Variants in SUMF1 observed in about 807,000 individuals in gnomAD.
SUMF1 encodes the protein formylglycine-generating enzyme.
SUMF1 carries 48 observed loss-of-function variants against 47.6 expected under a neutral mutation model. The ratio of observed to expected loss-of-function variants is 1.01; its 90% CI spans 0.80 to 1.28. The LOEUF (loss-of-function observed/expected upper bound fraction) is 1.28, where lower values mean the gene tolerates loss of function less well. Among genes scored for constraint, SUMF1 ranks in the 50% most tolerant of loss-of-function variants. The pLI, the probability that SUMF1 is intolerant of heterozygous loss-of-function variation, is 0.00. For synonymous variants in SUMF1, 230 were observed against 192.1 expected, an observed-to-expected ratio of 1.20 and a Z score of -1.63; for missense variants, 571 against 485.4, an observed-to-expected ratio of 1.18 and a Z score of -1.66.
rs116766778 is a variant in SUMF1 at position 4,094,136 on chromosome 3, T to A, written c.1015-25391A>T. ...AAGGTTTATGAGGTATAGGTCATGA[T>A]GAAATGACCTTGAGTGTAGCTTGAG... On this transcript the variant is annotated intron_variant and NMD_transcript_variant, in intron 8 of 12. Transcript: ENST00000448413. 6.5e-3 allele frequency among the ~76,000 whole-genome samples: 982 copies of A among 152,246 alleles called. 16 individuals carry two copies. Among genetic ancestry groups the A allele is most frequent in the African/African-American group, 0.022 (927 of 41,526 alleles).
chr3:4,297,294 A>G (rs920690622), intron 8 of SUMF1, among the ~76,000 whole-genome samples: 1 of 152,174 alleles, frequency 6.6e-6, no homozygotes, highest in Admixed American at 6.5e-5. Flanking sequence ...GAAATCCCCA[A>G]AAGGATCAAT....
At chr3:4,184,715 C>G (rs943528907) in intron 8 of SUMF1, among the ~76,000 whole-genome samples, 2 of 141,520 alleles carry the variant, frequency 1.4e-5, no homozygotes, top group East Asian at 4.3e-4. Context: ...GTGGTGTGAT[C>G]TCGGCTCACT....
At chr3:4,272,988 A>T (rs1697332877) in intron 8 of SUMF1, among the ~76,000 whole-genome samples, 1 of 151,890 alleles carries the variant, frequency 6.6e-6, no homozygotes, top group Non-Finnish European at 1.5e-5. Flanking sequence ...GGCAGGAGGA[A>T]TTCGAGGCTA....
intron 8 of SUMF1, among the ~76,000 whole-genome samples, chr3:4,334,096 C>A (rs116089424): frequency 6.6e-6 from 1 of 151,160 alleles, no homozygotes; most frequent in South Asian, 2.1e-4. Flanking sequence ...CCACTGCACT[C>A]TAACCTGGGC....
intron 8 of SUMF1, chr3:4,316,850 C>A (rs1698679272): frequency 1.9e-6 from 3 of 1,549,934 alleles, no homozygotes; most frequent in Non-Finnish European, 2.6e-6. Context: ...CCGGTGAAAC[C>A]ATTACATCTG....
rs566574865 is a variant in SUMF1, at chr3:4,187,403, G to A, written c.1015-118658C>T. Among the ~76,000 whole-genome samples, 137 of 152,198 alleles carry A rather than the reference G, an allele frequency of 9.0e-4. 1 individual carries two copies. Among genetic ancestry groups the A allele is most frequent in the African/African-American group, 3.2e-3 (131 of 41,546 alleles). ...GAAAAAATTAGAGACAAGGTCTTGT[G>A]TAGACATTTGAATTCTTGTTCAAAC... On this transcript the variant is annotated intron_variant and NMD_transcript_variant, in intron 8 of 12. Coordinates refer to the SUMF1 transcript ENST00000448413.
At chr3:4,374,154 C>T (rs1414818054) in intron 8 of SUMF1, among the ~76,000 whole-genome samples, 1 of 152,144 alleles carries the variant, frequency 6.6e-6, no homozygotes, top group African/African-American at 2.4e-5. Flanking sequence ...CTTACCATTC[C>T]TATTCAACCC....
At chr3:4,196,427 A>G (rs1231333847) in intron 8 of SUMF1, among the ~76,000 whole-genome samples, 1 of 152,090 alleles carries the variant, frequency 6.6e-6, no homozygotes, top group African/African-American at 2.4e-5. Flanking sequence ...CTTGGTACAC[A>G]GTGAGTGCAC....
chr3:4,255,590 C>T (rs313658), intron 8 of SUMF1, among the ~76,000 whole-genome samples: 12,283 of 51,668 alleles, frequency 0.24, 1,582 homozygotes, highest in African/African-American at 0.42. Flanking sequence ...ATGCACCCAA[C>T]ACAGGAGCAC....
At chr3:4,306,559 T>C (rs1698199307) in intron 8 of SUMF1, among the ~76,000 whole-genome samples, 1 of 152,170 alleles carries the variant, frequency 6.6e-6, no homozygotes, top group Non-Finnish European at 1.5e-5. Flanking sequence ...GTTACAAAAA[T>C]AAGACAGGAT....
intron 6 of SUMF1, among the ~76,000 whole-genome samples, chr3:4,411,763 G>C (rs983037803): frequency 6.6e-6 from 1 of 151,068 alleles, no homozygotes; most frequent in African/African-American, 2.4e-5. Flanking sequence ...AGTTTTGCTG[G>C]CTTAATGGCT....
chr3:4,338,354 A>T (rs897503679), intron 8 of SUMF1, among the ~76,000 whole-genome samples: 11 of 152,218 alleles, frequency 7.2e-5, no homozygotes, highest in African/African-American at 2.7e-4. Flanking sequence ...AGGCATCTTG[A>T]CACAGGGAAG....
chr3:4,224,761 A>T (rs965715193), intron 8 of SUMF1, among the ~76,000 whole-genome samples: 1 of 152,114 alleles, frequency 6.6e-6, no homozygotes, highest in Non-Finnish European at 1.5e-5. Context: ...TCTTTACATT[A>T]GGAGAGTTAA....
chr3:4,241,175 G>A (rs1696529346), intron 8 of SUMF1, among the ~76,000 whole-genome samples: 1 of 152,068 alleles, frequency 6.6e-6, no homozygotes, highest in Admixed American at 6.6e-5. Context: ...ACCTGAAAAG[G>A]CTCTCCAAAT....
At chr3:4,362,283 G>A (rs1699791063) in intron 8 of SUMF1, 29 bp from the exon 9 acceptor site, 2 of 1,590,456 alleles carry the variant, frequency 1.3e-6, no homozygotes, top group African/African-American at 1.3e-5. Context: ...CAAGGTAAGT[G>A]CTACTGGGAC....
intron 8 of SUMF1, among the ~76,000 whole-genome samples, chr3:4,227,961 C>T (rs553493368): frequency 4.4e-4 from 67 of 152,064 alleles, no homozygotes; most frequent in African/African-American, 1.3e-3. Context: ...AGGTTAAGAC[C>T]TAAAGAATGA....
intron 3 of SUMF1, among the ~76,000 whole-genome samples, chr3:4,434,425 T>C (rs1271797655): frequency 3.3e-5 from 5 of 152,258 alleles, no homozygotes; most frequent in African/African-American, 7.2e-5. Context: ...CAAAACATCA[T>C]TGTAGCTTGG....
At chr3:4,035,976 T>C (rs1299649552) in intron 9 of SUMF1, among the ~76,000 whole-genome samples, 1 of 152,140 alleles carries the variant, frequency 6.6e-6, no homozygotes, top group East Asian at 1.9e-4. Flanking sequence ...ATGGCCTATG[T>C]GACCTGAGGA....
At chr3:4,359,773 A>G (rs765152864), downstream of SUMF1, among the ~76,000 whole-genome samples, 64 of 152,108 alleles carry the variant, frequency 4.2e-4, no homozygotes, top group Non-Finnish European at 6.6e-4. Flanking sequence ...GGTCCCTCAC[A>G]CAACACCTGG....
Sources: allele counts gnomAD v4.1 joint callset (sites outside exome capture counted in the v4.1 genomes callset), GRCh38; gene constraint gnomAD v4.1.1; transcripts MANE v1.5; gene names NCBI Gene and HGNC (gene_info 2026-07-23, HGNC 2026-07-21).